Variants in CEP131 observed in about 807,000 individuals in gnomAD.
CEP131 encodes the protein centrosomal protein 131, also known as centrosomal protein of 131 kDa.
Under a neutral mutation model 136.8 loss-of-function variants are expected in CEP131, and 99 were observed. That is an observed-to-expected ratio of 0.72 (90% CI 0.62 to 0.86). The LOEUF is 0.86. CEP131 is among the 40% of genes least tolerant of loss of function. CEP131 has a pLI of 0.00. For missense variants in CEP131, 1,459 were observed against 1,463.0 expected (o/e 1.00, Z 0.04); for synonymous variants, 646 against 612.7 (o/e 1.05, Z -0.80).
At chr17:81,206,721 G>A (rs370815091) in intron 5 of CEP131, 23 bp downstream of exon 5, 103 of 1,592,310 alleles carry the variant, frequency 6.5e-5, no homozygotes, top group South Asian at 2.2e-4. Flanking sequence ...GGTGCCCGTC[G>A]TGGGCACCTG....
In CEP131 at chr17:81,193,715, G is replaced by A. The variant is rs367867806; in HGVS notation, c.2321+211C>T. On this transcript the variant is annotated intron_variant, in intron 18 of 25. Transcript: ENST00000450824. ...CCATGCAGAACCTGCAGACCTCGGC[G>A]GGCATGAACTGCAGACACAAGCCCG... Among the ~76,000 whole-genome samples, 106 of 152,330 alleles carry A rather than the reference G, an allele frequency of 7.0e-4. No individual in the cohort carries two copies. In the South Asian group the frequency reaches 0.017, roughly 24 times the overall value.
At chr17:81,201,258 C>T (rs1343647535) in intron 7 of CEP131, among the ~76,000 whole-genome samples, 3 of 152,142 alleles carry the variant, frequency 2.0e-5, no homozygotes, top group African/African-American at 4.8e-5. Flanking sequence ...TGCCACCCAC[C>T]GCGTCTACAG....
chr17:81,198,790 G>C, intron 11 of CEP131, 87 bp downstream of exon 11: 4 of 1,349,300 alleles, frequency 3.0e-6, no homozygotes, highest in Non-Finnish European at 4.1e-6. Flanking sequence ...GAGGGGCTGG[G>C]AGAAGCTCAG....
chr17:81,205,401 C>A, intron 5 of CEP131, among the ~76,000 whole-genome samples: 1 of 76,756 alleles, frequency 1.3e-5, no homozygotes, highest in Non-Finnish European at 2.5e-5. Flanking sequence ...GGCAGCGGGG[C>A]AGTGGGTGGG....
intron 13 of CEP131, among the ~76,000 whole-genome samples, 162 bp from the exon 14 acceptor site, chr17:81,197,217 G>A (rs2061779452): frequency 6.6e-6 from 1 of 152,372 alleles, no homozygotes; most frequent in African/African-American, 2.4e-5. Context: ...CCCAGCAGAG[G>A]TCGTTTTCAT....
At chr17:81,191,969 G>T (rs143332571) in intron 21 of CEP131, among the ~76,000 whole-genome samples, 151 of 152,218 alleles carry the variant, frequency 9.9e-4, no homozygotes, top group African/African-American at 3.4e-3. Flanking sequence ...AGAGGCTAAG[G>T]GGGGAGCCCC....
Position 81,192,511 on chromosome 17 carries a change from C to G in CEP131, c.2512G>C (p.Glu838Gln). The G allele has an allele frequency of 6.2e-7, 1 of 1,611,654 alleles. No homozygotes were observed. Among genetic ancestry groups the G allele is most frequent in the Non-Finnish European group, 8.5e-7 (1 of 1,179,776 alleles). Reference protein sequence around the residue: ...ALTRALRAEFEKGREEQERRH... With the variant: ...ALTRALRAEFQKGREEQERRH... ...CGCTCCTGCTCCTCCCTGCCCTTCT[C>G]AAACTCAGCCCTCAGGGCTCGGGTC... Residue 838 changes from glutamate to glutamine, a missense_variant, in exon 20 of 26, where the codon GAG becomes CAG. Transcript: ENST00000450824.
rs150040274 is a variant in CEP131 at position 81,206,739 on chromosome 17, C to T, written c.515+5G>A. ...GCCCGTCGTGGGCACCTGCACAGGTCGTACCTGTTGTTAGCAGTGAAGTTG... is the reference window on the plus strand; with the variant it reads ...GCCCGTCGTGGGCACCTGCACAGGTTGTACCTGTTGTTAGCAGTGAAGTTG... On this transcript the variant is annotated splice_donor_5th_base_variant and intron_variant, in intron 5 of 25. Transcript: ENST00000450824. 2.4e-3 allele frequency: 3,864 copies of T among 1,611,596 alleles called. 64 individuals carry two copies. The African/African-American group carries it at 0.043, about 18-fold the overall frequency.
rs763461506 is a variant in CEP131, at chr17:81,197,734, T to C, written c.1625A>G (p.Asp542Gly). The C allele has an allele frequency of 8.1e-5, 131 of 1,612,268 alleles. No homozygotes were observed. Among genetic ancestry groups the C allele is most frequent in the Non-Finnish European group, 1.1e-4 (129 of 1,179,680 alleles). ...FLDEMEKSGQ[D>G]QLDSQQEGWV... ...CACCTCCTGCTGGGAGTCCAGCTGG[T>C]CCTGCCCAGACTTCTCCATCTCGTC... is the stretch of plus-strand genomic sequence containing the variant. Residue 542 changes from aspartate (D) to glycine (G), a missense_variant, in exon 13 of 26, where the codon GAC (aspartate) becomes GGC (glycine). Around this residue, in one of 3 missense-constraint regions of CEP131, gnomAD observed 1,026 missense variants for 964.2 expected, o/e 1.06. Transcript: ENST00000450824.
chr17:81,216,339 A>G (rs1567882232), intron 2 of CEP131, among the ~76,000 whole-genome samples: 1 of 152,138 alleles, frequency 6.6e-6, no homozygotes, highest in Non-Finnish European at 1.5e-5. Context: ...AGCCTGGGCA[A>G]AAAGAGCAAA....
intron 15 of CEP131, among the ~76,000 whole-genome samples, chr17:81,196,224 CCTGGGATGAGGGTAGCTCTG>C (rs1267616039): frequency 6.6e-6 from 1 of 152,218 alleles, no homozygotes; most frequent in Admixed American, 6.5e-5. Context: ...TCAGGGTCTT[CCTGGGATGAGGGTAGCTCTG>C]CCGAGGCCAT....
rs1375115049 is a variant in CEP131, at chr17:81,194,024, G to C, written c.2223C>G (p.Ala741=). ...CGGCCTGGCGCAGGCAGCGCTGCGA[G>C]GCCCGCTCATCCGACTGCAGCAGCT... ...EAELLQSDER[A]SQRCLRQAEE... Residue 741 remains alanine, a synonymous_variant, in exon 18 of 26, where the codon GCC becomes GCG. Coordinates refer to ENST00000450824, the MANE Select transcript of CEP131 (RefSeq NM_014984.4). The C allele has an allele frequency of 6.4e-7, 1 of 1,574,568 alleles. No individual in the cohort carries two copies. Among genetic ancestry groups the C allele is most frequent in the East Asian group, 2.3e-5 (1 of 43,396 alleles).
rs1443678564 is a variant in CEP131 at position 81,189,746 on chromosome 17, G to A, written c.*23C>T. Reference sequence around the variant, plus strand: ...CTCTGTCCTCTGCCTTCCGTTCTTCGACAGTGTTCCCGGCATCCCTGGTCA... The same window carrying A: ...CTCTGTCCTCTGCCTTCCGTTCTTCAACAGTGTTCCCGGCATCCCTGGTCA... On this transcript the variant is annotated 3_prime_UTR_variant, in exon 26 of 26. Transcript: ENST00000450824. 18 of 1,576,070 alleles carry A rather than the reference G, an allele frequency of 1.1e-5. No homozygotes were observed. Among genetic ancestry groups the A allele is most frequent in the East Asian group, 4.5e-5 (2 of 44,104 alleles).
intron 16 of CEP131, 133 bp from the exon 17 acceptor site, chr17:81,195,105 C>A: frequency 1.5e-6 from 1 of 656,540 alleles, no homozygotes; most frequent in Admixed American, 2.6e-5. Flanking sequence ...GGTGTGCTGC[C>A]CCGAGACAGA....
chr17:81,199,899 G>A (rs2061852157), intron 8 of CEP131, 64 bp from the exon 9 acceptor site: 1 of 1,545,362 alleles, frequency 6.5e-7, no homozygotes. Context: ...ACCCAGACCA[G>A]AGGTTTCCCC....
rs1253050642 is a variant in CEP131, at chr17:81,190,778, G to C, written c.2968C>G (p.Arg990Gly). The C allele has an allele frequency of 3.1e-6, 5 of 1,611,316 alleles. No homozygotes were observed. Among genetic ancestry groups the C allele is most frequent in the African/African-American group, 1.3e-5 (1 of 75,024 alleles). Residue 990 changes from arginine to glycine, a missense_variant, in exon 24 of 26, where the codon CGC becomes GGC. Arg to Gly is a moderately radical substitution (Grantham distance 125). This residue lies in a region of CEP131 where 1,026 missense variants were observed against 964.2 expected (regional missense o/e 1.06). Transcript: ENST00000450824. ...CGGATCACCTGGGCCAGGTTGCTGCGCTCGCTAGAAAGCTGCTCGTTCACC... is the reference window on the plus strand; with the variant it reads ...CGGATCACCTGGGCCAGGTTGCTGCCCTCGCTAGAAAGCTGCTCGTTCACC... ...QAVNEQLSSE[R>G]SNLAQVIRQE... is the part of the protein sequence containing the mutation.
chr17:81,199,792 TG>T lies in CEP131; in HGVS notation c.949del (p.His317ThrfsTer33). ...RSGEGTLLDL[H>X]QQKEAARRKA... ...CCTCCTGGCTGCCTCTTTCTGCTGG[TG>T]CAGGTCCAAGAGGGTCCCCTCGCCT... On this transcript the variant is annotated frameshift_variant, in exon 9 of 26. Coordinates refer to ENST00000450824, the MANE Select transcript of CEP131 (RefSeq NM_014984.4). LOFTEE classifies it high-confidence loss of function. The T allele has an allele frequency of 6.2e-7, 1 of 1,611,730 alleles. No homozygotes were observed. The highest frequency in any genetic ancestry group is 8.5e-7 in the Non-Finnish European group (1 of 1,179,980).
At chr17:81,221,047 C>T (rs968517712) in intron 1 of CEP131, among the ~76,000 whole-genome samples, 2 of 150,072 alleles carry the variant, frequency 1.3e-5, no homozygotes, top group Non-Finnish European at 3.0e-5. Context: ...ATTACTTGAA[C>T]CTGGTAGGCG....
chr17:81,195,613 C>T (rs1271037879), intron 16 of CEP131, among the ~76,000 whole-genome samples: 5 of 152,196 alleles, frequency 3.3e-5, no homozygotes, highest in Non-Finnish European at 7.4e-5. Flanking sequence ...TCTGTGACAG[C>T]AGGCCCACGG....
Sources: gnomAD v4.1 joint callset for allele counts (sites outside exome capture counted in the v4.1 genomes callset) on GRCh38, gnomAD v4.1.1 for gene constraint, gnomAD v4.1.1 regional missense constraint, MANE v1.5 for transcripts, NCBI Gene and HGNC (gene_info 2026-07-23, HGNC 2026-07-21) for gene names.